Variants in TMC7 observed in about 807,000 individuals in gnomAD.
TMC7 encodes the protein transmembrane channel-like protein 7.
Under a neutral mutation model 82.9 loss-of-function variants are expected in TMC7, and 54 were observed. That is an observed-to-expected ratio of 0.65 (90% CI 0.52 to 0.82). The LOEUF (loss-of-function observed/expected upper bound fraction) is 0.82. TMC7 is among the 40% of genes least tolerant of loss of function. The probability of loss-of-function intolerance (pLI) is 0.00; values close to 1 mark genes in which losing one functional copy is unlikely to be tolerated. For missense variants in TMC7, 820 were observed against 901.2 expected (o/e 0.91, Z 1.15); for synonymous variants, 350 against 337.9 (o/e 1.04, Z -0.39).
chr16:19,041,795 T>C (rs9931943), intron 9 of TMC7, among the ~76,000 whole-genome samples: 134,591 of 152,196 alleles, frequency 0.88, 60,826 homozygotes, highest in Non-Finnish European at 0.97. Context: ...TGTTCAAAGC[T>C]GAATCCAAAC....
At chr16:19,023,735 C>A (rs1960093622) in intron 5 of TMC7, among the ~76,000 whole-genome samples, 1 of 152,200 alleles carries the variant, frequency 6.6e-6, no homozygotes, top group Admixed American at 6.5e-5. Flanking sequence ...GCGTGAGCCA[C>A]CATACCGGCC....
At chr16:19,050,673 T>C (rs922649807) in intron 12 of TMC7, among the ~76,000 whole-genome samples, 11 of 151,390 alleles carry the variant, frequency 7.3e-5, no homozygotes, top group African/African-American at 2.7e-4. Flanking sequence ...AGAGACAGGG[T>C]TTTTTTTAAT....
chr16:18,997,550 A>G (rs1410824015), intron 1 of TMC7, among the ~76,000 whole-genome samples: 1 of 150,778 alleles, frequency 6.6e-6, no homozygotes, highest in Non-Finnish European at 1.5e-5. Flanking sequence ...TTGTATTTTT[A>G]GTAGAGACAG....
At chr16:18,985,698 GTT>G (rs56873601) in intron 1 of TMC7, among the ~76,000 whole-genome samples, 1,828 of 132,704 alleles carry the variant, frequency 0.014, 30 homozygotes, top group African/African-American at 0.044. Flanking sequence ...AGATAGATGA[GTT>G]TTTTTTTTTT....
At position 19,047,313 on chromosome 16, in the gene TMC7, T is replaced by G. The variant is rs199888196; in HGVS notation, c.1740+64T>G. Reference sequence around the variant, plus strand: ...CATTTTCGACCTTCCAGGGCACCAATATGTCTGGAGCTCACCTCACATCCC... The same window carrying G: ...CATTTTCGACCTTCCAGGGCACCAAGATGTCTGGAGCTCACCTCACATCCC... On this transcript the variant is annotated intron_variant, in intron 12 of 15. Coordinates refer to ENST00000304381, the MANE Select transcript of TMC7 (RefSeq NM_024847.4). 204 of 1,460,446 alleles carry G rather than the reference T, an allele frequency of 1.4e-4. 1 individual carries two copies. In the East Asian group the frequency reaches 1.6e-3, roughly 11 times the overall value. The allele number at this position is 1,460,446 out of a possible 1,614,324, so 90.5% of individuals were successfully genotyped here.
At chr16:19,027,710 C>T (rs1256779218) in intron 5 of TMC7, among the ~76,000 whole-genome samples, 1 of 152,052 alleles carries the variant, frequency 6.6e-6, no homozygotes, top group East Asian at 1.9e-4. Flanking sequence ...AGAATGGAGT[C>T]TTCTGCTTCT....
At chr16:19,012,865 T>A (rs1959450329) in intron 2 of TMC7, among the ~76,000 whole-genome samples, 1 of 151,556 alleles carries the variant, frequency 6.6e-6, no homozygotes, top group African/African-American at 2.4e-5. Context: ...GATCATTCTT[T>A]TTTTTTTGAG....
chr16:18,988,146 TTCTC>T (rs1045808447), intron 1 of TMC7, among the ~76,000 whole-genome samples: 6 of 150,596 alleles, frequency 4.0e-5, no homozygotes, highest in Non-Finnish European at 8.9e-5. Context: ...TTTTCTTTTC[TTCTC>T]TCTTTCTTTT....
At chr16:19,033,578 G>T in intron 6 of TMC7, 1 of 152,398 alleles carries the variant, frequency 6.6e-6, no homozygotes, top group South Asian at 2.0e-4. Flanking sequence ...GAGCTATGCG[G>T]GAGGCTGAGG....
At chr16:19,004,485 C>T (rs1159263219) in intron 1 of TMC7, among the ~76,000 whole-genome samples, 2 of 152,122 alleles carry the variant, frequency 1.3e-5, no homozygotes, top group East Asian at 1.9e-4. Context: ...CTGCCTCAGC[C>T]TCCTGAGTAG....
At chr16:18,986,162 G>A (rs1407638569) in intron 1 of TMC7, among the ~76,000 whole-genome samples, 2 of 152,092 alleles carry the variant, frequency 1.3e-5, no homozygotes, top group Non-Finnish European at 2.9e-5. Flanking sequence ...TTGGGAGGCC[G>A]TGGTGGGCAG....
At chr16:19,038,548 ACT>A (rs1355003766) in intron 8 of TMC7, among the ~76,000 whole-genome samples, 3 of 148,916 alleles carry the variant, frequency 2.0e-5, no homozygotes, top group Non-Finnish European at 4.4e-5. Flanking sequence ...ACAGAGTCTC[ACT>A]CTGTCGCTCA....
intron 6 of TMC7, among the ~76,000 whole-genome samples, chr16:19,032,974 C>T (rs1039483632): frequency 3.3e-5 from 5 of 152,108 alleles, no homozygotes; most frequent in Admixed American, 1.3e-4. Context: ...CTGTGAATCT[C>T]GTTCAAGCTC....
chr16:19,026,760 C>T (rs1960251045), intron 5 of TMC7, among the ~76,000 whole-genome samples: 2 of 151,854 alleles, frequency 1.3e-5, no homozygotes, highest in South Asian at 2.1e-4. Context: ...GAACCACTAA[C>T]TCTTTTTTGT....
intron 1 of TMC7, among the ~76,000 whole-genome samples, chr16:18,995,416 G>A (rs927888400): frequency 6.6e-6 from 1 of 152,208 alleles, no homozygotes; most frequent in Admixed American, 6.5e-5. Flanking sequence ...GAGAAGATCT[G>A]GGAAGGAATC....
intron 3 of TMC7, among the ~76,000 whole-genome samples, chr16:19,021,291 C>T (rs914820753): frequency 7.2e-5 from 11 of 152,108 alleles, no homozygotes; most frequent in African/African-American, 2.7e-4. Context: ...AGTTTAGAAA[C>T]AGATTCATAC....
chr16:19,035,299 A>T (rs1960694316), intron 6 of TMC7, among the ~76,000 whole-genome samples: 2 of 152,144 alleles, frequency 1.3e-5, no homozygotes, highest in Admixed American at 1.3e-4. Flanking sequence ...GAGGGAGGCA[A>T]GGATTGAAGA....
chr16:19,055,245 A>G (rs1332239465), intron 13 of TMC7, among the ~76,000 whole-genome samples: 1 of 152,136 alleles, frequency 6.6e-6, no homozygotes, highest in African/African-American at 2.4e-5. Context: ...CCTAAGACTA[A>G]TGGCACTCTC....
chr16:19,035,606 A>G (rs916455377), intron 6 of TMC7, 70 bp from the exon 7 acceptor site: 1 of 1,597,116 alleles, frequency 6.3e-7, no homozygotes, highest in Non-Finnish European at 8.6e-7. Context: ...TAAGTTTCAG[A>G]CACAGCCAAT....
Sources: allele counts gnomAD v4.1 joint callset (sites outside exome capture counted in the v4.1 genomes callset), GRCh38; gene constraint gnomAD v4.1.1; transcripts MANE v1.5; gene names NCBI Gene and HGNC (gene_info 2026-07-23, HGNC 2026-07-21).